Variants in MAS1 observed in about 807,000 individuals in gnomAD.
MAS1 encodes MAS1 proto-oncogene, G protein-coupled receptor, also known as proto-oncogene Mas.
For missense variants in MAS1, 387 were observed against 409.7 expected (o/e 0.94, Z 0.48); for synonymous variants, 163 against 164.2 (o/e 0.99, Z 0.05).
At chr6:159,898,419 C>T (rs1222695962) in intron 1 of MAS1, among the ~76,000 whole-genome samples, 1 of 152,070 alleles carries the variant, frequency 6.6e-6, no homozygotes, top group East Asian at 1.9e-4. Flanking sequence ...GTTGGCCTGC[C>T]TCACAGGCTC....
intron 1 of MAS1, among the ~76,000 whole-genome samples, chr6:159,892,668 C>G (rs747843744): frequency 6.6e-6 from 1 of 152,188 alleles, no homozygotes; most frequent in Non-Finnish European, 1.5e-5. Flanking sequence ...AGCTCCACCA[C>G]CCATCTGTTC....
In MAS1 at chr6:159,907,657, C is replaced by A; in HGVS notation, c.702C>A (p.Ile234=). ...TTTACATAGTCATCATGGTCACCATCATTATATTCCTCATCTTCGCTATGC... is the reference window on the plus strand; with the variant it reads ...TTTACATAGTCATCATGGTCACCATAATTATATTCCTCATCTTCGCTATGC... ...SKLYIVIMVT[I]IIFLIFAMPM... is the part of the protein sequence containing the mutation. Residue 234 remains isoleucine, a synonymous_variant, in exon 3 of 3, where the codon ATC becomes ATA. Transcript: ENST00000674077. 1.2e-6 allele frequency: 2 copies of A among 1,613,864 alleles called. No individual in the cohort carries two copies. Among genetic ancestry groups the A allele is most frequent in the Non-Finnish European group, 1.7e-6 (2 of 1,179,992 alleles).
In MAS1 at chr6:159,915,575, TG is replaced by T. The variant is rs1256125345; in HGVS notation, c.*7643del. On this transcript the variant is annotated 3_prime_UTR_variant, in exon 3 of 3. Coordinates refer to ENST00000674077, the MANE Select transcript of MAS1 (RefSeq NM_002377.4). ...ATTTTGGCCAACACCAGCCTGTTAA[TG>T]CCTGAGGCAGAGGCCTCTGGAATGA... is the stretch of plus-strand genomic sequence containing the variant. 1 of 152,242 alleles carries T rather than the reference TG, an allele frequency of 6.6e-6. No homozygotes were observed. The highest frequency in any genetic ancestry group is 1.5e-5 in the Non-Finnish European group (1 of 68,064). The allele number at this position is 152,242 out of a possible 1,614,324, so 9.4% of individuals were successfully genotyped here.
At chr6:159,899,951 C>T (rs1180420028) in intron 2 of MAS1, among the ~76,000 whole-genome samples, 1 of 152,068 alleles carries the variant, frequency 6.6e-6, no homozygotes, top group Non-Finnish European at 1.5e-5. Flanking sequence ...GAGGCTGAGG[C>T]AGGAGAATCG....
At position 159,908,619 on chromosome 6, in the gene MAS1, T is replaced by C. The variant is rs778448903; in HGVS notation, c.*686T>C. The stretch of plus-strand genomic sequence containing the variant: ...AATTTACGAAGGTCTTCTTTTTGCT[T>C]GCAGCATGAAAGCATTTCATGGCAT... On this transcript the variant is annotated 3_prime_UTR_variant, in exon 3 of 3. Transcript: ENST00000674077. 3 of 152,106 alleles carry C rather than the reference T, an allele frequency of 2.0e-5. No homozygotes were observed. The highest frequency in any genetic ancestry group is 2.9e-5 in the Non-Finnish European group (2 of 68,026). The allele number at this position is 152,106 out of a possible 1,614,324, so 9.4% of individuals were successfully genotyped here. A position where few individuals can be genotyped will look rare whatever the true frequency, so the allele number is the denominator to read the frequency against.
intron 1 of MAS1, among the ~76,000 whole-genome samples, chr6:159,898,204 A>C (rs955427071): frequency 6.6e-6 from 1 of 152,028 alleles, no homozygotes; most frequent in Non-Finnish European, 1.5e-5. Flanking sequence ...AACACGTCTT[A>C]ATAAAAAATA....
chr6:159,907,581 T>C lies in MAS1; in HGVS notation c.626T>C (p.Ile209Thr). ...FTPLMLVSST[I>T]LVVKIRKNTW... The stretch of plus-strand genomic sequence containing the variant: ...CCCCTCATGCTGGTGTCCAGCACCA[T>C]CTTGGTCGTGAAGATCCGGAAGAAC... The change falls in exon 3 of 3, where the codon ATC (isoleucine) becomes ACC (threonine). Residue 209 changes from isoleucine to threonine, a missense_variant. By Grantham distance (89) the Ile-to-Thr change is moderately conservative. Transcript: ENST00000674077. 1.2e-6 allele frequency: 2 copies of C among 1,614,010 alleles called. No individual in the cohort carries two copies. Among genetic ancestry groups the C allele is most frequent in the African/African-American group, 2.7e-5 (2 of 75,014 alleles).
At chr6:159,903,754 C>A (rs921844099) in intron 2 of MAS1, among the ~76,000 whole-genome samples, 4 of 152,124 alleles carry the variant, frequency 2.6e-5, no homozygotes, top group African/African-American at 4.8e-5. Context: ...CAGCTCTAGA[C>A]CCCTACTTCC....
chr6:159,910,428 C>G lies in MAS1; in HGVS notation c.*2495C>G, dbSNP rs769872244. 1 of 152,254 alleles carries G rather than the reference C, an allele frequency of 6.6e-6. No homozygotes were observed. The highest frequency in any genetic ancestry group is 1.5e-5 in the Non-Finnish European group (1 of 68,064). The allele number at this position is 152,254 out of a possible 1,614,324, so 9.4% of individuals were successfully genotyped here. On this transcript the variant is annotated 3_prime_UTR_variant, in exon 3 of 3. Coordinates refer to ENST00000674077, the MANE Select transcript of MAS1 (RefSeq NM_002377.4). ...ACAGCAGGGGCTCTTCCTGCCACCC[C>G]CATATTGCATGCAGCCTCTTCTGTT...
chr6:159,901,689 A>C (rs1007736528), intron 2 of MAS1, among the ~76,000 whole-genome samples: 4 of 152,056 alleles, frequency 2.6e-5, no homozygotes, highest in Non-Finnish European at 5.9e-5. Context: ...ATCTCTACAA[A>C]AATAAAAATA....
chr6:159,905,764 C>T (rs909939459), intron 2 of MAS1, among the ~76,000 whole-genome samples: 6 of 152,130 alleles, frequency 3.9e-5, no homozygotes, highest in Admixed American at 6.6e-5. Flanking sequence ...TTTGATTGGC[C>T]GGCACGGTGG....
At chr6:159,896,624 A>G (rs934330937) in intron 1 of MAS1, among the ~76,000 whole-genome samples, 3 of 152,196 alleles carry the variant, frequency 2.0e-5, no homozygotes, top group Non-Finnish European at 4.4e-5. Flanking sequence ...GGCGATAAAC[A>G]TTTAAAAGAA....
At chr6:159,890,749 T>G (rs772080431), upstream of MAS1, among the ~76,000 whole-genome samples, 1 of 152,198 alleles carries the variant, frequency 6.6e-6, no homozygotes, top group African/African-American at 2.4e-5. Context: ...ACACATGCGG[T>G]TTTGCCCTTC....
At position 159,910,341 on chromosome 6, in the gene MAS1, C is replaced by A. The variant is rs997049305; in HGVS notation, c.*2408C>A. On this transcript the variant is annotated 3_prime_UTR_variant, in exon 3 of 3. Coordinates refer to ENST00000674077, the MANE Select transcript of MAS1 (RefSeq NM_002377.4). ...AAAGAGACACCGCATAACTACAACA[C>A]CAGGCTGCACACAAGTTTGTTTGAC... 6.6e-6 allele frequency: 1 copy of A among 152,238 alleles called. No homozygotes were observed. The highest frequency in any genetic ancestry group is 2.4e-5 in the African/African-American group (1 of 41,448). The allele number at this position is 152,238 out of a possible 1,614,324, so 9.4% of individuals were successfully genotyped here. A position where few individuals can be genotyped will look rare whatever the true frequency, so the allele number is the denominator to read the frequency against.
rs9295116 is a variant in MAS1, at chr6:159,911,781, C to T, written c.*3848C>T. ...TTTACACAAGGGGAATAGAAGCAAC[C>T]GGAAGAACTCTTCCAGACATCCCCG... On this transcript the variant is annotated 3_prime_UTR_variant, in exon 3 of 3. Coordinates refer to ENST00000674077, the MANE Select transcript of MAS1 (RefSeq NM_002377.4). 0.42 allele frequency: 64,218 copies of T among 151,810 alleles called. 14,760 individuals are homozygous for T. Among genetic ancestry groups the T allele is most frequent in the East Asian group, 0.69 (3,527 of 5,128 alleles). 9.4% of individuals were successfully genotyped at this position (151,810 alleles called of 1,614,324 possible). A position where few individuals can be genotyped will look rare whatever the true frequency, so the allele number is the denominator to read the frequency against.
intron 2 of MAS1, among the ~76,000 whole-genome samples, chr6:159,901,191 T>TAAGAGAG: frequency 6.6e-6 from 1 of 152,202 alleles, no homozygotes; most frequent in South Asian, 2.1e-4. Context: ...TCTTAGGACC[T>TAAGAGAG]TATTTAGCCA....
In MAS1 at chr6:159,907,819, GA is replaced by G; in HGVS notation, c.866del (p.Lys289ArgfsTer7). ...ACTTCTTTGTGGGAAGCAGTAAGAA[GA>G]AGAGATTCAAGGAGTCCTTAAAAGT... ...IYFFVGSSKK[K>X]RFKESLKVVL... is the part of the protein sequence containing the mutation. On this transcript the variant is annotated frameshift_variant, in exon 3 of 3. Coordinates refer to ENST00000674077, the MANE Select transcript of MAS1 (RefSeq NM_002377.4). LOFTEE classifies it low-confidence loss of function (END_TRUNC). 1 of 1,612,920 alleles carries G rather than the reference GA, an allele frequency of 6.2e-7. No individual in the cohort carries two copies. Among genetic ancestry groups the G allele is most frequent in the Non-Finnish European group, 8.5e-7 (1 of 1,179,824 alleles).
chr6:159,896,122 A>G (rs1782751668), intron 1 of MAS1, among the ~76,000 whole-genome samples: 1 of 151,624 alleles, frequency 6.6e-6, no homozygotes, highest in Non-Finnish European at 1.5e-5. Flanking sequence ...CATCCTGGGC[A>G]ACATGGGAAA....
chr6:159,893,429 C>T (rs912405170), intron 1 of MAS1, among the ~76,000 whole-genome samples: 5 of 152,088 alleles, frequency 3.3e-5, no homozygotes, highest in African/African-American at 1.2e-4. Flanking sequence ...AGTAAAAGGG[C>T]CCAACAAAGT....
Sources: gnomAD v4.1 joint callset for allele counts (sites outside exome capture counted in the v4.1 genomes callset) on GRCh38, gnomAD v4.1.1 for gene constraint, MANE v1.5 for transcripts, NCBI Gene and HGNC (gene_info 2026-07-23, HGNC 2026-07-21) for gene names.